Variants in CDH18 observed in about 807,000 individuals in gnomAD.
CDH18 encodes the protein cadherin-18.
CDH18 carries 31 observed loss-of-function variants against 67.9 expected under a neutral mutation model. That is an observed-to-expected ratio of 0.46 (90% CI 0.34 to 0.62). The LOEUF is 0.62. CDH18 is among the 20% of genes least tolerant of loss of function. The pLI is 0.01. For missense variants in CDH18, 890 were observed against 975.5 expected (o/e 0.91, Z 1.17); for synonymous variants, 362 against 347.2 (o/e 1.04, Z -0.48).
chr5:20,459,760 A>T (rs1751117438), intron 1 of CDH18, among the ~76,000 whole-genome samples: 1 of 152,098 alleles, frequency 6.6e-6, no homozygotes, highest in Non-Finnish European at 1.5e-5. Context: ...TTTCCATTTC[A>T]TGGTGATTGG....
intron 2 of CDH18, among the ~76,000 whole-genome samples, chr5:20,109,759 T>C (rs1447150105): frequency 2.0e-5 from 3 of 152,246 alleles, no homozygotes; most frequent in Non-Finnish European, 2.9e-5. Context: ...CAAAGGATTG[T>C]TTTCTGGAAG....
At chr5:20,347,366 G>T (rs967234289) in intron 1 of CDH18, among the ~76,000 whole-genome samples, 5 of 152,144 alleles carry the variant, frequency 3.3e-5, no homozygotes, top group Non-Finnish European at 7.3e-5. Context: ...AGCTTGAGCA[G>T]CTAGTGTGGT....
At chr5:19,732,382 T>C (rs1166077909) in intron 4 of CDH18, among the ~76,000 whole-genome samples, 1 of 151,722 alleles carries the variant, frequency 6.6e-6, no homozygotes, top group Non-Finnish European at 1.5e-5. Context: ...AGCCCAGGAG[T>C]TCAAGGCTGC....
chr5:20,510,678 C>T (rs1754977822), intron 1 of CDH18, among the ~76,000 whole-genome samples: 1 of 152,072 alleles, frequency 6.6e-6, no homozygotes, highest in African/African-American at 2.4e-5. Flanking sequence ...ATAAATTAAA[C>T]ATAATTTCCA....
At chr5:20,498,111 T>A (rs1222551910) in intron 1 of CDH18, among the ~76,000 whole-genome samples, 1 of 152,118 alleles carries the variant, frequency 6.6e-6, no homozygotes, top group East Asian at 1.9e-4. Flanking sequence ...TATTTTTTGG[T>A]TGTTTATAAG....
intron 11 of CDH18, among the ~76,000 whole-genome samples, chr5:19,489,701 A>T (rs958979330): frequency 6.6e-6 from 1 of 152,210 alleles, no homozygotes; most frequent in African/African-American, 2.4e-5. Context: ...AAAGTATTTT[A>T]AATTGTTCAA....
At chr5:20,016,914 C>T (rs1243948869) in intron 2 of CDH18, among the ~76,000 whole-genome samples, 1 of 152,050 alleles carries the variant, frequency 6.6e-6, no homozygotes, top group Non-Finnish European at 1.5e-5. Flanking sequence ...TTCAAAAGTA[C>T]CATGAATGTA....
chr5:20,012,728 A>G (rs1313550114), intron 2 of CDH18, among the ~76,000 whole-genome samples: 2 of 152,140 alleles, frequency 1.3e-5, no homozygotes, highest in Non-Finnish European at 2.9e-5. Flanking sequence ...CAGCCATATA[A>G]AGGAAGGGGA....
intron 10 of CDH18, among the ~76,000 whole-genome samples, chr5:19,504,639 A>G (rs1743798528): frequency 6.6e-6 from 1 of 152,056 alleles, no homozygotes; most frequent in Non-Finnish European, 1.5e-5. Flanking sequence ...ATAAATATTT[A>G]AGCAGGCATT....
intron 1 of CDH18, among the ~76,000 whole-genome samples, chr5:20,564,349 C>A (rs1758386431): frequency 6.6e-6 from 1 of 151,574 alleles, no homozygotes; most frequent in Non-Finnish European, 1.5e-5. Context: ...GCAATCTCTG[C>A]TCACTGAGAC....
At position 19,473,053 on chromosome 5, in the gene CDH18, C is replaced by G; in HGVS notation, c.*173G>C. 1.7e-4 allele frequency: 54 copies of G among 325,530 alleles called. No homozygotes were observed. The highest frequency in any genetic ancestry group is 8.6e-4 in the Middle Eastern group (1 of 1,162). The allele number at this position is 325,530 out of a possible 1,614,324, so 20.2% of individuals were successfully genotyped here. A position where few individuals can be genotyped will look rare whatever the true frequency, so the allele number is the denominator to read the frequency against. ...GTCTTTTTTTTTTTTTTTTTACTTT[C>G]TTCCAATTAAATAACCCAGTTTCGA... On this transcript the variant is annotated 3_prime_UTR_variant, in exon 13 of 13. Coordinates refer to ENST00000382275, the MANE Select transcript of CDH18 (RefSeq NM_004934.5).
chr5:20,298,292 A>G (rs192045805), intron 1 of CDH18, among the ~76,000 whole-genome samples: 18 of 152,316 alleles, frequency 1.2e-4, no homozygotes, highest in Admixed American at 1.1e-3. Flanking sequence ...GCCCTGATCA[A>G]TAAGTAAATG....
chr5:20,351,484 T>C (rs1741181256), intron 1 of CDH18, among the ~76,000 whole-genome samples: 1 of 152,222 alleles, frequency 6.6e-6, no homozygotes, highest in African/African-American at 2.4e-5. Context: ...CTGAAGATTT[T>C]GTTTTTCAGC....
chr5:19,529,324 A>G (rs1748233801), intron 9 of CDH18, among the ~76,000 whole-genome samples: 1 of 152,074 alleles, frequency 6.6e-6, no homozygotes, highest in South Asian at 2.1e-4. Context: ...AGTTACAAAT[A>G]GAAGGAACTT....
At chr5:20,572,216 T>G (rs1455418356) in intron 1 of CDH18, among the ~76,000 whole-genome samples, 3 of 84,690 alleles carry the variant, frequency 3.5e-5, no homozygotes, top group African/African-American at 1.9e-4. Flanking sequence ...ATGTCTATTT[T>G]TGTAAAAGAA....
At chr5:19,991,629 T>TA (rs796999679), upstream of CDH18, among the ~76,000 whole-genome samples, 18 of 152,248 alleles carry the variant, frequency 1.2e-4, no homozygotes, top group African/African-American at 3.9e-4. Flanking sequence ...AACAAATTGA[T>TA]AAAAAAGTGA....
chr5:20,524,131 T>C (rs1424206755), intron 1 of CDH18, among the ~76,000 whole-genome samples: 1 of 152,178 alleles, frequency 6.6e-6, no homozygotes, highest in East Asian at 1.9e-4. Flanking sequence ...CACATTCACA[T>C]AGGAAGTGCC....
chr5:20,490,764 A>G (rs1753539331), intron 1 of CDH18, among the ~76,000 whole-genome samples: 1 of 152,128 alleles, frequency 6.6e-6, no homozygotes, highest in Admixed American at 6.6e-5. Flanking sequence ...GCAATTTTCC[A>G]TATCTCTAAA....
chr5:19,928,166 C>G (rs1009668437), intron 2 of CDH18, among the ~76,000 whole-genome samples: 2 of 152,114 alleles, frequency 1.3e-5, no homozygotes, highest in Admixed American at 1.3e-4. Flanking sequence ...GTCGCCCTGG[C>G]TTTCAATGGC....
Sources: allele counts gnomAD v4.1 joint callset (sites outside exome capture counted in the v4.1 genomes callset), GRCh38; gene constraint gnomAD v4.1.1; transcripts MANE v1.5; gene names NCBI Gene and HGNC (gene_info 2026-07-23, HGNC 2026-07-21).